MRAS: variants seen among roughly 807,000 people sequenced by gnomAD.
MRAS encodes the protein muscle RAS oncogene homolog.
Under a neutral mutation model 20.9 loss-of-function variants are expected in MRAS, and 4 were observed. The observed-to-expected ratio is 0.19, with a 90% CI of 0.09 to 0.44. The LOEUF is 0.44. Among genes scored for constraint, MRAS ranks in the 20% least tolerant of loss-of-function variants. The probability of loss-of-function intolerance (pLI) is 0.99; values close to 1 mark genes in which losing one functional copy is unlikely to be tolerated. For synonymous variants in MRAS, 98 were observed against 102.9 expected (o/e 0.95, Z 0.29); for missense variants, 154 against 277.5 (o/e 0.56, Z 3.16).
intron 2 of MRAS, among the ~76,000 whole-genome samples, chr3:138,389,407 G>A (rs2055082541): frequency 6.6e-6 from 1 of 151,380 alleles, no homozygotes; most frequent in Non-Finnish European, 1.5e-5. Context: ...GCAACAGGAA[G>A]GGCTCAAAGA....
At chr3:138,356,392 T>C (rs1362189099) in intron 1 of MRAS, among the ~76,000 whole-genome samples, 1 of 152,202 alleles carries the variant, frequency 6.6e-6, no homozygotes, top group African/African-American at 2.4e-5. Flanking sequence ...ATGTATTCAT[T>C]TCAAAAGCAA....
At chr3:138,399,947 G>A (rs960441761) in intron 4 of MRAS, among the ~76,000 whole-genome samples, 1 of 152,188 alleles carries the variant, frequency 6.6e-6, no homozygotes, top group African/African-American at 2.4e-5. Context: ...CCTTTCGACC[G>A]GGTGATGATT....
Position 138,400,517 on chromosome 3 carries a change from T to G in MRAS, c.448-17T>G. 1.9e-6 allele frequency: 3 copies of G among 1,601,364 alleles called. No individual in the cohort carries two copies. Among genetic ancestry groups the G allele is most frequent in the Non-Finnish European group, 2.6e-6 (3 of 1,168,376 alleles). On this transcript the variant is annotated splice_polypyrimidine_tract_variant and intron_variant, in intron 4 of 5. Transcript: ENST00000423968. ...GATCTCTGTGCCACTTTGATCAAGT[T>G]GAGCTTTGCCTTCCAGATTCCGTAC... is the stretch of plus-strand genomic sequence containing the variant.
rs1440682672 is a variant in MRAS, at chr3:138,404,757, GC to G, written c.*2492del. 6.6e-6 allele frequency: 1 copy of G among 152,184 alleles called. No homozygotes were observed. Among genetic ancestry groups the G allele is most frequent in the African/African-American group, 2.4e-5 (1 of 41,434 alleles). The allele number at this position is 152,184 out of a possible 1,614,324, so 9.4% of individuals were successfully genotyped here. On this transcript the variant is annotated 3_prime_UTR_variant, in exon 6 of 6. Coordinates refer to ENST00000423968, the MANE Select transcript of MRAS (RefSeq NM_001085049.3). ...TAGGCCAGAGTAGAGTGTAGAGTGTGCCCCGTGACATCCCTCCATCTTCTCC... is the reference window on the plus strand; with the variant it reads ...TAGGCCAGAGTAGAGTGTAGAGTGTGCCCGTGACATCCCTCCATCTTCTCC...
At chr3:138,400,874 G>A (rs1285433941) in intron 5 of MRAS, among the ~76,000 whole-genome samples, 2 of 152,190 alleles carry the variant, frequency 1.3e-5, no homozygotes, top group African/African-American at 4.8e-5. Flanking sequence ...GTCTGATGCA[G>A]TGGCTCAGGC....
chr3:138,391,721 C>T (rs1315104926), intron 2 of MRAS, among the ~76,000 whole-genome samples: 1 of 152,156 alleles, frequency 6.6e-6, no homozygotes, highest in Admixed American at 6.5e-5. Context: ...TTCCAAAACA[C>T]CTCTGGCCCC....
chr3:138,384,925 A>T (rs995945796), intron 2 of MRAS, among the ~76,000 whole-genome samples: 1 of 152,204 alleles, frequency 6.6e-6, no homozygotes, highest in Non-Finnish European at 1.5e-5. Context: ...AGGATGAGGA[A>T]CTGAGAAGCA....
intron 2 of MRAS, among the ~76,000 whole-genome samples, 192 bp downstream of exon 2, chr3:138,373,268 C>T (rs1371381727): frequency 3.3e-5 from 5 of 152,130 alleles, no homozygotes; most frequent in South Asian, 4.1e-4. Context: ...TGCAAGATTT[C>T]GTGGAAACCA....
At chr3:138,382,725 G>A (rs901158663) in intron 2 of MRAS, among the ~76,000 whole-genome samples, 1 of 152,206 alleles carries the variant, frequency 6.6e-6, no homozygotes, top group Non-Finnish European at 1.5e-5. Context: ...AGCACAGCCT[G>A]GGCTCGTTCC....
At chr3:138,355,064 C>T (rs746244892) in intron 1 of MRAS, among the ~76,000 whole-genome samples, 9 of 152,126 alleles carry the variant, frequency 5.9e-5, no homozygotes, top group Admixed American at 2.0e-4. Context: ...GGATTATAGG[C>T]ATGAGCCCCC....
intron 1 of MRAS, among the ~76,000 whole-genome samples, chr3:138,357,942 T>C (rs1196789310): frequency 2.0e-5 from 3 of 152,234 alleles, no homozygotes; most frequent in African/African-American, 7.2e-5. Flanking sequence ...TCCTGGATAC[T>C]TTCCCCCAGA....
At chr3:138,391,690 A>C (rs2055135228) in intron 2 of MRAS, among the ~76,000 whole-genome samples, 1 of 152,240 alleles carries the variant, frequency 6.6e-6, no homozygotes, top group African/African-American at 2.4e-5. Context: ...CAAATATTCC[A>C]GAATCTTTTA....
At chr3:138,397,226 C>T (rs961527243) in intron 2 of MRAS, 98 bp from the exon 3 acceptor site, 37 of 1,440,024 alleles carry the variant, frequency 2.6e-5, no homozygotes, top group Admixed American at 9.9e-5. Flanking sequence ...GACTGGGCCA[C>T]GGTAGGGACA....
chr3:138,392,577 A>G (rs966476105), intron 2 of MRAS, among the ~76,000 whole-genome samples: 6 of 152,134 alleles, frequency 3.9e-5, no homozygotes, highest in Admixed American at 6.5e-5. Context: ...GCACTTCTTG[A>G]TGCTTGTACC....
intron 1 of MRAS, among the ~76,000 whole-genome samples, chr3:138,372,627 A>T (rs2108519629): frequency 1.3e-5 from 2 of 152,300 alleles, no homozygotes; most frequent in Non-Finnish European, 2.9e-5. Flanking sequence ...CTGTGTCCTC[A>T]ACACCAGGCC....
chr3:138,400,029 C>CA (rs2055326700), intron 4 of MRAS, among the ~76,000 whole-genome samples: 1 of 152,178 alleles, frequency 6.6e-6, no homozygotes, highest in South Asian at 2.1e-4. Flanking sequence ...AGATACAGAT[C>CA]AAACAAGAGC....
intron 1 of MRAS, among the ~76,000 whole-genome samples, chr3:138,360,225 G>T (rs923709335): frequency 6.6e-6 from 1 of 152,206 alleles, no homozygotes; most frequent in Non-Finnish European, 1.5e-5. Context: ...GTTGAGATGG[G>T]GGGATCAGTC....
chr3:138,371,409 C>T (rs1193029429), intron 1 of MRAS, among the ~76,000 whole-genome samples: 1 of 152,092 alleles, frequency 6.6e-6, no homozygotes, highest in African/African-American at 2.4e-5. Context: ...TAATCTAATC[C>T]AGCCCTTTAA....
At chr3:138,349,123 G>A (rs1435588371) in intron 1 of MRAS, 1 of 150,544 alleles carries the variant, frequency 6.6e-6, no homozygotes, top group Non-Finnish European at 1.5e-5. Context: ...GTGGGTGGGG[G>A]ACTCTTTACC....
Sources: allele counts gnomAD v4.1 joint callset (sites outside exome capture counted in the v4.1 genomes callset), GRCh38; gene constraint gnomAD v4.1.1; transcripts MANE v1.5; gene names NCBI Gene and HGNC (gene_info 2026-07-23, HGNC 2026-07-21).